SSBP3: variants seen among roughly 807,000 people sequenced by gnomAD.
SSBP3 encodes single-stranded DNA-binding protein 3.
SSBP3 carries 5 observed loss-of-function variants against 69.6 expected under a neutral mutation model. The observed-to-expected ratio is 0.07, with a 90% CI of 0.04 to 0.15. The LOEUF is 0.15. SSBP3 is among the 10% of genes least tolerant of loss of function. SSBP3 has a pLI of 1.00. For synonymous variants in SSBP3, 196 were observed against 193.4 expected (o/e 1.01, Z -0.11); for missense variants, 312 against 534.0 (o/e 0.58, Z 4.10).
chr1:54,337,285 T>C (rs1646523812), intron 4 of SSBP3, among the ~76,000 whole-genome samples: 1 of 152,046 alleles, frequency 6.6e-6, no homozygotes, highest in Non-Finnish European at 1.5e-5. Flanking sequence ...GGTGGCACAG[T>C]GCATGAGCCA....
At chr1:54,357,224 C>T (rs1646883040) in intron 4 of SSBP3, among the ~76,000 whole-genome samples, 2 of 152,118 alleles carry the variant, frequency 1.3e-5, no homozygotes, top group Admixed American at 6.5e-5. Flanking sequence ...CAACCTGGGA[C>T]GCTAATTAAA....
intron 4 of SSBP3, among the ~76,000 whole-genome samples, chr1:54,353,514 T>C (rs1199556588): frequency 6.6e-6 from 1 of 152,202 alleles, no homozygotes; most frequent in Non-Finnish European, 1.5e-5. Flanking sequence ...GCACCCTCTA[T>C]GCTGGCCCCA....
chr1:54,259,153 G>A (rs1371833150), intron 5 of SSBP3, among the ~76,000 whole-genome samples: 1 of 149,750 alleles, frequency 6.7e-6, no homozygotes, highest in East Asian at 2.0e-4. Context: ...GGGCTATGCT[G>A]ACCTCGACCC....
At chr1:54,380,680 G>A (rs3820114) in intron 4 of SSBP3, among the ~76,000 whole-genome samples, 17 of 152,268 alleles carry the variant, frequency 1.1e-4, no homozygotes, top group East Asian at 1.9e-4. Context: ...CGGAAAAGGT[G>A]GCATTGTGGC....
intron 4 of SSBP3, among the ~76,000 whole-genome samples, chr1:54,297,529 G>A (rs1040552716): frequency 6.6e-6 from 1 of 152,206 alleles, no homozygotes; most frequent in Non-Finnish European, 1.5e-5. Context: ...TCCTTGGGAA[G>A]CTGAGGCAGG....
At chr1:54,306,671 A>C (rs1388942841) in intron 4 of SSBP3, among the ~76,000 whole-genome samples, 3 of 152,164 alleles carry the variant, frequency 2.0e-5, no homozygotes, top group Non-Finnish European at 4.4e-5. Flanking sequence ...TGCCTCTCTT[A>C]ATCTACCTTT....
At chr1:54,302,172 G>A (rs1023437819) in intron 4 of SSBP3, among the ~76,000 whole-genome samples, 8 of 152,230 alleles carry the variant, frequency 5.3e-5, no homozygotes, top group African/African-American at 1.2e-4. Flanking sequence ...CCTCCAGCCT[G>A]TAAGCAGGAG....
chr1:54,402,333 T>A (rs940151079), intron 3 of SSBP3, among the ~76,000 whole-genome samples: 6 of 152,290 alleles, frequency 3.9e-5, no homozygotes, highest in African/African-American at 1.4e-4. Flanking sequence ...TGGACGAGAA[T>A]CCATACTGTT....
At chr1:54,300,950 A>G (rs1569698443) in intron 4 of SSBP3, among the ~76,000 whole-genome samples, 1 of 152,220 alleles carries the variant, frequency 6.6e-6, no homozygotes, top group Admixed American at 6.5e-5. Flanking sequence ...CATTTCCAAC[A>G]TCCCAAATGC....
chr1:54,297,491 CGTG>C (rs1645723328), intron 4 of SSBP3, among the ~76,000 whole-genome samples: 1 of 152,130 alleles, frequency 6.6e-6, no homozygotes, highest in African/African-American at 2.4e-5. Context: ...ATTAGCCGGG[CGTG>C]GTGGTGCCTG....
At chr1:54,383,700 G>C (rs12043222) in intron 4 of SSBP3, among the ~76,000 whole-genome samples, 14,534 of 152,152 alleles carry the variant, frequency 0.096, 947 homozygotes, top group East Asian at 0.28. Flanking sequence ...AATCAGAAGT[G>C]GGCTATTTTC....
chr1:54,384,681 C>G (rs1025789099), intron 4 of SSBP3, among the ~76,000 whole-genome samples: 3 of 152,246 alleles, frequency 2.0e-5, no homozygotes, highest in Non-Finnish European at 4.4e-5. Flanking sequence ...TGGCCCTTCT[C>G]TAACTACAGC....
At chr1:54,249,757 A>G (rs1340778280) in intron 9 of SSBP3, among the ~76,000 whole-genome samples, 1 of 149,672 alleles carries the variant, frequency 6.7e-6, no homozygotes, top group Admixed American at 6.7e-5. Flanking sequence ...TTTAAAAAAT[A>G]AAAATAAAAT....
intron 4 of SSBP3, among the ~76,000 whole-genome samples, chr1:54,315,164 C>G (rs1480028637): frequency 6.6e-6 from 1 of 152,164 alleles, no homozygotes; most frequent in African/African-American, 2.4e-5. Context: ...ACCGGAGCCT[C>G]CCTGTACAGA....
chr1:54,359,193 T>C (rs1646914437), intron 4 of SSBP3, among the ~76,000 whole-genome samples: 1 of 120,550 alleles, frequency 8.3e-6, no homozygotes, highest in African/African-American at 3.1e-5. Flanking sequence ...TGAGTTGCTA[T>C]AATTACCCTC....
intron 5 of SSBP3, among the ~76,000 whole-genome samples, chr1:54,280,608 T>C (rs1482404665): frequency 6.6e-6 from 1 of 151,694 alleles, no homozygotes; most frequent in Non-Finnish European, 1.5e-5. Context: ...TGATCGAGAG[T>C]GTCATCATAA....
At chr1:54,241,489 T>C in exon 12 of SSBP3, 1 of 1,613,984 alleles carries the variant, frequency 6.2e-7, no homozygotes, top group African/African-American at 1.3e-5. Context: ...AGGTACCAGG[T>C]GATGAGGAGG....
intron 14 of SSBP3, among the ~76,000 whole-genome samples, chr1:54,233,740 G>A (rs1644433116): frequency 6.7e-6 from 1 of 150,340 alleles, no homozygotes; most frequent in Non-Finnish European, 1.5e-5. Flanking sequence ...CGCCCAGCCA[G>A]CTGCCCCGTC....
intron 4 of SSBP3, among the ~76,000 whole-genome samples, chr1:54,382,934 G>A (rs1246016401): frequency 3.0e-5 from 4 of 132,094 alleles, no homozygotes; most frequent in African/African-American, 1.2e-4. Context: ...GCGGTGAGCC[G>A]AGATCGTGCC....
Sources: allele counts gnomAD v4.1 joint callset (sites outside exome capture counted in the v4.1 genomes callset), GRCh38; gene constraint gnomAD v4.1.1; transcripts MANE v1.5; gene names NCBI Gene and HGNC (gene_info 2026-07-23, HGNC 2026-07-21).